The following ZNF804A variants were observed in gnomAD, a reference collection of about 807,000 sequenced individuals.
ZNF804A encodes the protein zinc finger protein 804A.
In ZNF804A, 2 loss-of-function variants were observed where a neutral mutation model predicts 16.5. That is an observed-to-expected ratio of 0.12 (90% CI 0.05 to 0.38). The LOEUF (loss-of-function observed/expected upper bound fraction) is 0.38. ZNF804A is among the 10% of genes least tolerant of loss of function. The pLI, the probability that ZNF804A is intolerant of heterozygous loss-of-function variation, is 0.99. For missense variants in ZNF804A, 1,473 were observed against 1,390.7 expected, an observed-to-expected ratio of 1.06 and a Z score of -0.94; for synonymous variants, 534 against 489.6, an observed-to-expected ratio of 1.09 and a Z score of -1.20.
At chr2:184,729,890 A>G (rs1294837061) in intron 1 of ZNF804A, among the ~76,000 whole-genome samples, 1 of 152,160 alleles carries the variant, frequency 6.6e-6, no homozygotes, top group Non-Finnish European at 1.5e-5. Flanking sequence ...CAGGCATTGA[A>G]TATTATCCTT....
At chr2:184,738,961 T>C (rs1204403692) in intron 1 of ZNF804A, among the ~76,000 whole-genome samples, 1 of 152,186 alleles carries the variant, frequency 6.6e-6, no homozygotes, top group Non-Finnish European at 1.5e-5. Context: ...TATCTTTGGT[T>C]TGTAGAATCA....
At position 184,936,752 on chromosome 2, in the gene ZNF804A, A is replaced by T; in HGVS notation, c.1356A>T (p.Ser452=). 6.2e-7 allele frequency: 1 copy of T among 1,613,886 alleles called. No homozygotes were observed. The highest frequency in any genetic ancestry group is 2.2e-5 in the East Asian group (1 of 44,864). The part of the protein sequence containing the change: ...EMLVYTTTKP[S]ISYSCNPLCF... ...TGGTTTATACAACTACGAAACCATC[A>T]ATTTCCTATAGCTGTAATCCTCTAT... The change falls in exon 4 of 4, where the codon TCA becomes TCT. Residue 452 remains serine, a synonymous_variant. Coordinates refer to ENST00000302277, the MANE Select transcript of ZNF804A (RefSeq NM_194250.2).
chr2:184,734,223 A>G (rs1279393881), intron 1 of ZNF804A, among the ~76,000 whole-genome samples: 1 of 151,852 alleles, frequency 6.6e-6, no homozygotes, highest in Non-Finnish European at 1.5e-5. Flanking sequence ...ATATTCCAGC[A>G]TTTCCTATTT....
At position 184,646,066 on chromosome 2, in the gene ZNF804A, C is replaced by T. The variant is rs139724432; in HGVS notation, c.111+46996C>T. Among the ~76,000 whole-genome samples the T allele has an allele frequency of 2.7e-3, 405 of 152,292 alleles. 1 individual carries two copies. The highest frequency in any genetic ancestry group is 9.0e-3 in the African/African-American group (373 of 41,568). On this transcript the variant is annotated intron_variant, in intron 1 of 3. Transcript: ENST00000302277. ...GAAAAGCTGCAGATATTTTCCCAGA[C>T]CCAAGACTGAGAGCAGAGGCCATTT...
At chr2:184,635,775 G>A (rs975204211) in intron 1 of ZNF804A, among the ~76,000 whole-genome samples, 1 of 152,092 alleles carries the variant, frequency 6.6e-6, no homozygotes, top group Non-Finnish European at 1.5e-5. Flanking sequence ...TTATTTGCTT[G>A]TTTTTAAAAG....
intron 1 of ZNF804A, among the ~76,000 whole-genome samples, chr2:184,676,815 C>T (rs1329186074): frequency 6.6e-6 from 1 of 151,688 alleles, no homozygotes; most frequent in African/African-American, 2.4e-5. Flanking sequence ...ACCTTTTAGA[C>T]TTCTGAAGTG....
chr2:184,912,831 G>A (rs1685384358), intron 2 of ZNF804A, among the ~76,000 whole-genome samples: 1 of 151,826 alleles, frequency 6.6e-6, no homozygotes, highest in Admixed American at 6.6e-5. Context: ...CTGGATACTT[G>A]GCCTTTATAA....
chr2:184,900,302 G>A (rs996650028), intron 2 of ZNF804A, among the ~76,000 whole-genome samples: 1 of 152,028 alleles, frequency 6.6e-6, no homozygotes. Context: ...TAGGTACAGT[G>A]CCCCCCTTGA....
intron 1 of ZNF804A, among the ~76,000 whole-genome samples, chr2:184,841,538 T>A (rs1695436317): frequency 6.6e-6 from 1 of 152,132 alleles, no homozygotes; most frequent in African/African-American, 2.4e-5. Flanking sequence ...ATTACTAATC[T>A]ACTCCTTAAG....
chr2:184,701,497 A>C (rs1426975905), intron 1 of ZNF804A, among the ~76,000 whole-genome samples: 1 of 151,898 alleles, frequency 6.6e-6, no homozygotes, highest in African/African-American at 2.4e-5. Context: ...TAAGAAGGCA[A>C]ATTAATATCT....
intron 1 of ZNF804A, among the ~76,000 whole-genome samples, chr2:184,844,967 T>C (rs1303999756): frequency 6.6e-6 from 1 of 152,054 alleles, no homozygotes; most frequent in Non-Finnish European, 1.5e-5. Flanking sequence ...TGCATTTCAG[T>C]TTGTTCAGAT....
chr2:184,931,312 G>C (rs958900911), intron 2 of ZNF804A, among the ~76,000 whole-genome samples: 5 of 152,206 alleles, frequency 3.3e-5, no homozygotes, highest in Non-Finnish European at 4.4e-5. Flanking sequence ...CCCTAGCAGA[G>C]GTTCTCCATG....
chr2:184,610,507 A>AT lies in ZNF804A; in HGVS notation c.111+11448dup, dbSNP rs572924836. On this transcript the variant is annotated intron_variant, in intron 1 of 3. Coordinates refer to ENST00000302277, the MANE Select transcript of ZNF804A (RefSeq NM_194250.2). ...TGGGTTTAATGAGAAGTGTGTAGTG[A>AT]TTTTTTTTTTTAACAACTGGTCAAG... is the stretch of plus-strand genomic sequence containing the variant. Among the ~76,000 whole-genome samples, 207 of 148,628 alleles carry AT rather than the reference A, an allele frequency of 1.4e-3. 1 individual carries two copies. The Middle Eastern group carries it at 0.021, about 15-fold the overall frequency.
chr2:184,776,919 C>T (rs978614845), intron 1 of ZNF804A, among the ~76,000 whole-genome samples: 1 of 151,476 alleles, frequency 6.6e-6, no homozygotes, highest in African/African-American at 2.4e-5. Flanking sequence ...GGACTCATTA[C>T]TTTATCTTTT....
chr2:184,603,300 T>TA (rs1308281352), intron 1 of ZNF804A, among the ~76,000 whole-genome samples: 2 of 152,068 alleles, frequency 1.3e-5, no homozygotes, highest in South Asian at 2.1e-4. Flanking sequence ...TTGAATCTGT[T>TA]AAAAAATATA....
intron 1 of ZNF804A, among the ~76,000 whole-genome samples, chr2:184,855,615 TAC>T (rs4017731): frequency 0.17 from 20,681 of 120,470 alleles, 1,844 homozygotes; most frequent in South Asian, 0.22. Context: ...TATATATATA[TAC>T]ACACACACAC....
chr2:184,804,643 A>G (rs965355655), intron 1 of ZNF804A, among the ~76,000 whole-genome samples: 2 of 152,226 alleles, frequency 1.3e-5, no homozygotes, highest in Non-Finnish European at 2.9e-5. Context: ...ATAAAATTGG[A>G]AACCAAAAGA....
intron 2 of ZNF804A, among the ~76,000 whole-genome samples, chr2:184,907,437 A>G (rs1685294609): frequency 6.6e-6 from 1 of 152,188 alleles, no homozygotes; most frequent in Admixed American, 6.6e-5. Context: ...TTTCTTGGGA[A>G]TATGCCTCCC....
chr2:184,662,453 G>A (rs1692189603), intron 1 of ZNF804A, among the ~76,000 whole-genome samples: 2 of 152,168 alleles, frequency 1.3e-5, no homozygotes, highest in East Asian at 3.9e-4. Flanking sequence ...AGTGTCCATT[G>A]AGATAACTCA....
Sources: gnomAD v4.1 joint callset for allele counts (sites outside exome capture counted in the v4.1 genomes callset) on GRCh38, gnomAD v4.1.1 for gene constraint, MANE v1.5 for transcripts, NCBI Gene and HGNC (gene_info 2026-07-23, HGNC 2026-07-21) for gene names.